MAPKAP1: variants seen among roughly 807,000 people sequenced by gnomAD.
The protein encoded by MAPKAP1 is target of rapamycin complex 2 subunit MAPKAP1.
Under a neutral mutation model 65.7 loss-of-function variants are expected in MAPKAP1, and 20 were observed. The ratio of observed to expected loss-of-function variants is 0.30; its 90% CI spans 0.21 to 0.44. MAPKAP1 has a LOEUF of 0.44. Ranked by LOEUF, MAPKAP1 falls within the 20% of genes least tolerant of loss-of-function variation. MAPKAP1 has a pLI of 1.00. For synonymous variants in MAPKAP1, 222 were observed against 244.3 expected (o/e 0.91, Z 0.85); for missense variants, 423 against 648.0 (o/e 0.65, Z 3.77).
At chr9:125,456,864 C>T (rs1853180984) in intron 10 of MAPKAP1, among the ~76,000 whole-genome samples, 1 of 150,090 alleles carries the variant, frequency 6.7e-6, no homozygotes. Flanking sequence ...ACCCACCAAA[C>T]TGTAAGACAG....
chr9:125,525,838 A>G (rs1012961454), intron 7 of MAPKAP1, among the ~76,000 whole-genome samples: 3 of 152,172 alleles, frequency 2.0e-5, no homozygotes, highest in Non-Finnish European at 2.9e-5. Flanking sequence ...ACCTTATTTT[A>G]TTGAAGAGGA....
intron 5 of MAPKAP1, among the ~76,000 whole-genome samples, chr9:125,572,076 T>C (rs1025511999): frequency 6.6e-6 from 1 of 152,226 alleles, no homozygotes; most frequent in African/African-American, 2.4e-5. Context: ...ATATAGTTAT[T>C]TGCATAAGTG....
chr9:125,668,347 C>T (rs146274171), intron 3 of MAPKAP1, among the ~76,000 whole-genome samples: 439 of 152,284 alleles, frequency 2.9e-3, no homozygotes, highest in Middle Eastern at 0.01. Flanking sequence ...CTTGCAAGAT[C>T]ACTGCAATAG....
At chr9:125,659,694 C>T (rs1315172350) in intron 3 of MAPKAP1, among the ~76,000 whole-genome samples, 1 of 146,520 alleles carries the variant, frequency 6.8e-6, no homozygotes, top group Non-Finnish European at 1.5e-5. Flanking sequence ...CACATCAGCA[C>T]ACAGTACTGA....
At chr9:125,703,769 C>CAAA (rs1212274126) in intron 1 of MAPKAP1, among the ~76,000 whole-genome samples, 1 of 61,648 alleles carries the variant, frequency 1.6e-5, no homozygotes, top group African/African-American at 6.0e-5. Context: ...AAGACTGTCT[C>CAAA]AAAAAAAAAA....
chr9:125,438,838 T>C lies in MAPKAP1; in HGVS notation c.*49A>G. On this transcript the variant is annotated 3_prime_UTR_variant, in exon 12 of 12. Coordinates refer to ENST00000265960, the MANE Select transcript of MAPKAP1 (RefSeq NM_001006617.3). ...GGGTGGACTCTAGGGCACTTGGCCCTGGCAGGCAGGCTCTGAGCTACGGAA... is the reference window on the plus strand; with the variant it reads ...GGGTGGACTCTAGGGCACTTGGCCCCGGCAGGCAGGCTCTGAGCTACGGAA... 4 of 1,612,140 alleles carry C rather than the reference T, an allele frequency of 2.5e-6. No homozygotes were observed. Among genetic ancestry groups the C allele is most frequent in the Non-Finnish European group, 3.4e-6 (4 of 1,178,974 alleles).
At chr9:125,546,391 G>C (rs544669005) in intron 6 of MAPKAP1, among the ~76,000 whole-genome samples, 5 of 152,274 alleles carry the variant, frequency 3.3e-5, no homozygotes, top group East Asian at 1.9e-4. Context: ...CAGCGCTTTG[G>C]GGGGAGATGG....
intron 4 of MAPKAP1, among the ~76,000 whole-genome samples, chr9:125,641,990 C>T (rs370248798): frequency 6.6e-6 from 1 of 152,106 alleles, no homozygotes; most frequent in African/African-American, 2.4e-5. Flanking sequence ...CAAGATCATG[C>T]CACTGCACTC....
intron 7 of MAPKAP1, among the ~76,000 whole-genome samples, chr9:125,530,606 T>C (rs1291897512): frequency 2.0e-5 from 3 of 152,222 alleles, no homozygotes; most frequent in African/African-American, 4.8e-5. Flanking sequence ...TCCATCCCTA[T>C]AGATATATGG....
At chr9:125,486,893 C>T (rs1375818839) in intron 8 of MAPKAP1, among the ~76,000 whole-genome samples, 2 of 152,114 alleles carry the variant, frequency 1.3e-5, no homozygotes, top group African/African-American at 4.8e-5. Context: ...CGCAAGCCCC[C>T]GGCACTAGTT....
intron 9 of MAPKAP1, among the ~76,000 whole-genome samples, chr9:125,482,768 C>G (rs543996690): frequency 1.3e-5 from 2 of 152,234 alleles, no homozygotes; most frequent in South Asian, 4.1e-4. Flanking sequence ...TAGGTGAGGA[C>G]TTAATGCAGA....
At chr9:125,620,322 T>G (rs1832860407) in intron 4 of MAPKAP1, among the ~76,000 whole-genome samples, 1 of 152,138 alleles carries the variant, frequency 6.6e-6, no homozygotes, top group Admixed American at 6.6e-5. Flanking sequence ...AGATTCATTT[T>G]TTATTGATTA....
At position 125,440,437 on chromosome 9, in the gene MAPKAP1, T is replaced by A. The variant is rs939890302; in HGVS notation, c.1444-1425A>T. Among the ~76,000 whole-genome samples the A allele has an allele frequency of 2.0e-5, 3 of 152,210 alleles. No homozygotes were observed. The East Asian group carries it at 5.8e-4, about 29-fold the overall frequency. On this transcript the variant is annotated intron_variant, in intron 11 of 11. Transcript: ENST00000265960. The stretch of plus-strand genomic sequence containing the variant: ...TGAACAGACGCTATTTCTCTTCACC[T>A]GCAAGTATCTAAAAGTTTTGACTAG...
At chr9:125,656,672 T>C (rs747934183) in intron 4 of MAPKAP1, among the ~76,000 whole-genome samples, 7 of 151,962 alleles carry the variant, frequency 4.6e-5, no homozygotes, top group Non-Finnish European at 1.0e-4. Flanking sequence ...GTATGTTTAT[T>C]AACTGCAATG....
chr9:125,506,732 T>C (rs1201600750), intron 7 of MAPKAP1, among the ~76,000 whole-genome samples: 1 of 152,230 alleles, frequency 6.6e-6, no homozygotes, highest in East Asian at 1.9e-4. Flanking sequence ...TGAACCTCCG[T>C]TTCCTAATAT....
intron 1 of MAPKAP1, among the ~76,000 whole-genome samples, chr9:125,675,895 C>T (rs1834631073): frequency 6.6e-6 from 1 of 152,122 alleles, no homozygotes; most frequent in South Asian, 2.1e-4. Flanking sequence ...CTTCAACGTG[C>T]CCTTCAAAAT....
chr9:125,622,044 A>G (rs1832917346), intron 4 of MAPKAP1, among the ~76,000 whole-genome samples: 1 of 152,200 alleles, frequency 6.6e-6, no homozygotes, highest in Non-Finnish European at 1.5e-5. Context: ...TGAAAGATAA[A>G]TACCACATGT....
At chr9:125,706,639 T>C (rs1311962083) in intron 1 of MAPKAP1, among the ~76,000 whole-genome samples, 1 of 152,014 alleles carries the variant, frequency 6.6e-6, no homozygotes, top group Admixed American at 6.6e-5. Flanking sequence ...CAGTCAATGC[T>C]TGAAAACCTT....
chr9:125,593,926 A>G (rs1832046742), intron 4 of MAPKAP1, among the ~76,000 whole-genome samples: 2 of 152,044 alleles, frequency 1.3e-5, no homozygotes, highest in Non-Finnish European at 2.9e-5. Flanking sequence ...CATATCCAAC[A>G]CCAATTTTCT....
Sources: gnomAD v4.1 joint callset for allele counts (sites outside exome capture counted in the v4.1 genomes callset) on GRCh38, gnomAD v4.1.1 for gene constraint, MANE v1.5 for transcripts, NCBI Gene and HGNC (gene_info 2026-07-23, HGNC 2026-07-21) for gene names.